The following ETV5 variants were observed in gnomAD, a reference collection of about 807,000 sequenced individuals.
ETV5 encodes the protein ETS variant transcription factor 5, also known as ETS translocation variant 5.
Under a neutral mutation model 70.0 loss-of-function variants are expected in ETV5, and 10 were observed. The ratio of observed to expected loss-of-function variants is 0.14; its 90% CI spans 0.09 to 0.24. The LOEUF is 0.24. ETV5 is among the 10% of genes least tolerant of loss of function. ETV5 has a pLI of 1.00. For missense variants in ETV5, 453 were observed against 651.2 expected, an observed-to-expected ratio of 0.70 and a Z score of 3.31; for synonymous variants, 216 against 242.2, an observed-to-expected ratio of 0.89 and a Z score of 1.01.
Position 186,057,591 on chromosome 3 carries a change from A to T in ETV5, c.971-100T>A. The T allele has an allele frequency of 9.8e-7, 1 of 1,015,618 alleles. No homozygotes were observed. Among genetic ancestry groups the T allele is most frequent in the Non-Finnish European group, 1.6e-6 (1 of 644,650 alleles). 62.9% of individuals were successfully genotyped at this position (1,015,618 alleles called of 1,614,324 possible). ...CTAGAGTGCAATCCTATCATTTCAG[A>T]TCCTAAGTCCTACTGCTGTATCTAT... On this transcript the variant is annotated intron_variant, in intron 9 of 12. Transcript: ENST00000306376. This position sits in a 1 kb window ranked among gnomAD's most constrained non-coding sequence, Gnocchi z 4.9.
At chr3:186,070,456 G>A (rs145965603) in intron 7 of ETV5, among the ~76,000 whole-genome samples, 6 of 152,250 alleles carry the variant, frequency 3.9e-5, no homozygotes, top group African/African-American at 9.6e-5. Context: ...TCCCCTCCCC[G>A]CGGCATAACT....
At chr3:186,049,065 T>C (rs936814709) in intron 12 of ETV5, among the ~76,000 whole-genome samples, 6 of 152,292 alleles carry the variant, frequency 3.9e-5, no homozygotes, top group African/African-American at 7.2e-5. Context: ...AAAGAAGATA[T>C]CTGAATTTCG....
At chr3:186,088,003 G>A (rs114689162) in intron 5 of ETV5, among the ~76,000 whole-genome samples, 3,155 of 152,306 alleles carry the variant, frequency 0.021, 53 homozygotes, top group Middle Eastern at 0.061. Flanking sequence ...TTACCCTGCG[G>A]TCTGAAGGGA....
In ETV5 at chr3:186,048,566, C is replaced by T. The variant is rs929824410; in HGVS notation, c.*73G>A. The T allele has an allele frequency of 5.0e-6, 7 of 1,402,382 alleles. No individual in the cohort carries two copies. Among genetic ancestry groups the T allele is most frequent in the Non-Finnish European group, 7.0e-6 (7 of 997,132 alleles). 86.9% of individuals were successfully genotyped at this position (1,402,382 alleles called of 1,614,324 possible). On this transcript the variant is annotated 3_prime_UTR_variant, in exon 13 of 13. Transcript: ENST00000306376. ...CTTTAGGAACAACCAAAAACACAAACAAAACCACTGCCCTTGTTTGCCTGA... is the reference window on the plus strand; with the variant it reads ...CTTTAGGAACAACCAAAAACACAAATAAAACCACTGCCCTTGTTTGCCTGA...
At chr3:186,056,985 G>A in intron 11 of ETV5, 90 bp downstream of exon 11, 3 of 1,458,324 alleles carry the variant, frequency 2.1e-6, no homozygotes, top group South Asian at 1.3e-5. Flanking sequence ...GAGCAGACTT[G>A]ACACAAAAAG....
chr3:186,086,438 AG>A (rs1714059848), intron 5 of ETV5, among the ~76,000 whole-genome samples: 1 of 152,264 alleles, frequency 6.6e-6, no homozygotes, highest in Non-Finnish European at 1.5e-5. Flanking sequence ...ATTAGAAAGA[AG>A]GAAAGAAAGC....
At chr3:186,084,474 T>TTCAC (rs1714008857) in intron 5 of ETV5, among the ~76,000 whole-genome samples, 1 of 151,766 alleles carries the variant, frequency 6.6e-6, no homozygotes, top group African/African-American at 2.4e-5. Flanking sequence ...CATTCATTCA[T>TTCAC]TCATTCATTC....
In ETV5 at chr3:186,048,222, T is replaced by C. The variant is rs1050165252; in HGVS notation, c.*417A>G. On this transcript the variant is annotated 3_prime_UTR_variant, in exon 13 of 13. Coordinates refer to ENST00000306376, the MANE Select transcript of ETV5 (RefSeq NM_004454.3). The stretch of plus-strand genomic sequence containing the variant: ...TACTTACTTTTCTATGGGTTTGTGA[T>C]TTTTCAACAAATTGTGCAAATCAGA... 2.8e-5 allele frequency: 7 copies of C among 250,286 alleles called. No individual in the cohort carries two copies. The highest frequency in any genetic ancestry group is 4.7e-5 in the Non-Finnish European group (6 of 128,220). 15.5% of individuals were successfully genotyped at this position (250,286 alleles called of 1,614,324 possible). A position where few individuals can be genotyped will look rare whatever the true frequency, so the allele number is the denominator to read the frequency against.
rs970443407 is a variant in ETV5 at position 186,046,937 on chromosome 3, T to C, written c.*1702A>G. 4 of 230,786 alleles carry C rather than the reference T, an allele frequency of 1.7e-5. No individual in the cohort carries two copies. Among genetic ancestry groups the C allele is most frequent in the Admixed American group, 5.7e-5 (1 of 17,682 alleles). The allele number at this position is 230,786 out of a possible 1,614,324, so 14.3% of individuals were successfully genotyped here. A position where few individuals can be genotyped will look rare whatever the true frequency, so the allele number is the denominator to read the frequency against. ...GAGGAGAATCTCATGTTTCCATAGC[T>C]ATAAAGTGCACCCCTTATCCCTGCG... On this transcript the variant is annotated 3_prime_UTR_variant, in exon 13 of 13. Coordinates refer to ENST00000306376, the MANE Select transcript of ETV5 (RefSeq NM_004454.3).
chr3:186,057,122 C>A lies in ETV5; in HGVS notation c.1162G>T (p.Ala388Ser). The A allele has an allele frequency of 6.2e-7, 1 of 1,614,160 alleles. No homozygotes were observed. Among genetic ancestry groups the A allele is most frequent in the Non-Finnish European group, 8.5e-7 (1 of 1,180,022 alleles). The change falls in exon 11 of 13, where the codon GCC becomes TCC. Residue 388 changes from alanine (A) to serine (S), a missense_variant. Ala to Ser is a moderately conservative substitution (Grantham distance 99). This residue lies in a region of ETV5 where 25 missense variants were observed against 114.3 expected (regional missense o/e 0.22). Coordinates refer to ENST00000306376, the MANE Select transcript of ETV5 (RefSeq NM_004454.3). This position sits in a 1 kb window ranked among gnomAD's most constrained non-coding sequence, Gnocchi z 4.9. ...AACTCCATGCCTCGACCTGTCCAGG[C>A]AATGAAGTGGGCATTGGCTGGGTCA... Reference protein sequence around the residue: ...LDDPANAHFIAWTGRGMEFKL... With the variant: ...LDDPANAHFISWTGRGMEFKL...
At position 186,067,664 on chromosome 3, in the gene ETV5, C is replaced by T. The variant is rs546251318; in HGVS notation, c.651-1592G>A. On this transcript the variant is annotated intron_variant, in intron 7 of 12. Coordinates refer to ENST00000306376, the MANE Select transcript of ETV5 (RefSeq NM_004454.3). The stretch of plus-strand genomic sequence containing the variant: ...GAAAGTAAATATATATGAAAACTTA[C>T]AAAACTTGGGAGTGAGGGAAAACCT... 2.1e-3 allele frequency among the ~76,000 whole-genome samples: 323 copies of T among 150,648 alleles called. 1 individual carries two copies. Among genetic ancestry groups the T allele is most frequent in the African/African-American group, 7.5e-3 (310 of 41,110 alleles).
intron 5 of ETV5, among the ~76,000 whole-genome samples, chr3:186,089,900 A>C (rs1159422175): frequency 6.6e-6 from 1 of 152,216 alleles, no homozygotes. Flanking sequence ...AATAAAAGTT[A>C]ATTTTCTCAG....
intron 5 of ETV5, among the ~76,000 whole-genome samples, chr3:186,103,627 AC>A (rs1417281768): frequency 1.4e-4 from 1 of 7,016 alleles, no homozygotes; most frequent in South Asian, 4.7e-3. Flanking sequence ...GCAAACACAC[AC>A]ACACACACAC....
intron 7 of ETV5, among the ~76,000 whole-genome samples, chr3:186,075,214 T>C (rs1452845345): frequency 5.3e-5 from 8 of 152,196 alleles, no homozygotes; most frequent in Admixed American, 5.2e-4. Context: ...CAAAGAAGGA[T>C]CCATTAAGCA....
At chr3:186,108,640 C>G in intron 1 of ETV5, 1 of 1,166,254 alleles carries the variant, frequency 8.6e-7, no homozygotes, top group Non-Finnish European at 1.1e-6. Flanking sequence ...ACTCCGCGAT[C>G]CCCCATCCAC....
intron 5 of ETV5, among the ~76,000 whole-genome samples, chr3:186,090,726 C>T (rs981896377): frequency 2.0e-5 from 3 of 152,198 alleles, no homozygotes; most frequent in African/African-American, 4.8e-5. Flanking sequence ...AATTGAAGTT[C>T]TCTTTCTTAT....
chr3:186,087,885 C>T (rs1714094795), intron 5 of ETV5, among the ~76,000 whole-genome samples: 1 of 151,708 alleles, frequency 6.6e-6, no homozygotes, highest in African/African-American at 2.4e-5. Flanking sequence ...TCTAATAAGG[C>T]TTTCTTTGGT....
rs1712883012 is a variant in ETV5 at position 186,046,610 on chromosome 3, A to AG, written c.*2028dup. On this transcript the variant is annotated 3_prime_UTR_variant, in exon 13 of 13. Coordinates refer to ENST00000306376, the MANE Select transcript of ETV5 (RefSeq NM_004454.3). ...CAGGTCACGTAAGTTACAGCAGGGG[A>AG]GGGGTAGCTCAAGCTACAGAGGATT... 4.9e-6 allele frequency: 1 copy of AG among 203,586 alleles called. No homozygotes were observed. Among genetic ancestry groups the AG allele is most frequent in the Non-Finnish European group, 9.9e-6 (1 of 101,180 alleles). 12.6% of individuals were successfully genotyped at this position (203,586 alleles called of 1,614,324 possible).
intron 5 of ETV5, among the ~76,000 whole-genome samples, chr3:186,085,413 AC>A (rs1714032843): frequency 1.3e-5 from 2 of 150,718 alleles, no homozygotes; most frequent in South Asian, 4.2e-4. Flanking sequence ...AAGGACTTAC[AC>A]CTTTGTCTGG....
Sources: allele counts gnomAD v4.1 joint callset (sites outside exome capture counted in the v4.1 genomes callset), GRCh38; gene constraint gnomAD v4.1.1; regional missense constraint gnomAD v4.1.1; non-coding constraint Gnocchi (gnomAD v3.1); transcripts MANE v1.5; gene names NCBI Gene and HGNC (gene_info 2026-07-23, HGNC 2026-07-21).